The following STPG2 variants were observed in gnomAD, a reference collection of about 807,000 sequenced individuals.
The protein encoded by STPG2 is sperm-tail PG-rich repeat-containing protein 2.
A neutral mutation model predicts 54.2 loss-of-function variants in STPG2; 56 were observed. That is an observed-to-expected ratio of 1.03 (90% confidence interval 0.83 to 1.29). The LOEUF (loss-of-function observed/expected upper bound fraction) is 1.29, where lower values mean the gene tolerates loss of function less well. STPG2 is among the 50% of genes most tolerant of loss of function. The pLI is 0.00. For synonymous variants in STPG2, 200 were observed against 181.8 expected, an observed-to-expected ratio of 1.10 and a Z score of -0.81; for missense variants, 596 against 544.9, an observed-to-expected ratio of 1.09 and a Z score of -0.93.
At chr4:97,689,300 TA>T (rs2148986802) in intron 10 of STPG2, among the ~76,000 whole-genome samples, 1 of 152,254 alleles carries the variant, frequency 6.6e-6, no homozygotes, top group South Asian at 2.1e-4. Context: ...ATAAACACAA[TA>T]AATATTTTGA....
chr4:97,859,494 C>T (rs1460040979), intron 8 of STPG2, among the ~76,000 whole-genome samples: 1 of 142,340 alleles, frequency 7.0e-6, no homozygotes, highest in Non-Finnish European at 1.5e-5. Flanking sequence ...GATGGAGTCT[C>T]ACTCTGTCGC....
chr4:97,815,624 A>C (rs1727884496), intron 9 of STPG2, among the ~76,000 whole-genome samples: 1 of 152,170 alleles, frequency 6.6e-6, no homozygotes, highest in South Asian at 2.1e-4. Flanking sequence ...AATACCATTT[A>C]AGTAACAAGA....
chr4:97,550,129 T>C (rs1007587409), intron 4 of STPG2, among the ~76,000 whole-genome samples: 1 of 152,170 alleles, frequency 6.6e-6, no homozygotes, highest in Non-Finnish European at 1.5e-5. Context: ...AAAAATACTT[T>C]TATCTTGCTT....
At chr4:97,536,907 AG>A (rs1189415813) in intron 4 of STPG2, among the ~76,000 whole-genome samples, 1 of 152,206 alleles carries the variant, frequency 6.6e-6, no homozygotes, top group Non-Finnish European at 1.5e-5. Context: ...TTCTCTTCTG[AG>A]GACATTAGCT....
At chr4:98,021,672 C>G (rs1008210376) in intron 5 of STPG2, among the ~76,000 whole-genome samples, 2 of 150,464 alleles carry the variant, frequency 1.3e-5, no homozygotes, top group African/African-American at 2.4e-5. Context: ...GTAGGTCACT[C>G]AGGACTTGCT....
intron 5 of STPG2, among the ~76,000 whole-genome samples, chr4:98,059,924 G>A (rs1039694680): frequency 2.6e-5 from 4 of 151,902 alleles, no homozygotes; most frequent in Admixed American, 2.0e-4. Context: ...AAAATAATAA[G>A]AGCCATCTAT....
chr4:97,965,314 G>A (rs1020450636), intron 7 of STPG2, among the ~76,000 whole-genome samples: 1 of 152,194 alleles, frequency 6.6e-6, no homozygotes. Context: ...GCTGAGGCTT[G>A]AGTAGGTAAA....
intron 8 of STPG2, among the ~76,000 whole-genome samples, chr4:97,923,158 T>C (rs1270153127): frequency 2.0e-5 from 3 of 152,240 alleles, no homozygotes; most frequent in Non-Finnish European, 4.4e-5. Context: ...TGGCCATGCT[T>C]GAGGAGCCCT....
intron 4 of STPG2, among the ~76,000 whole-genome samples, chr4:97,451,489 G>C (rs1729362520): frequency 6.6e-6 from 1 of 152,052 alleles, no homozygotes; most frequent in African/African-American, 2.4e-5. Flanking sequence ...ATAGGAAATA[G>C]AGATCTTTTT....
intron 1 of STPG2, among the ~76,000 whole-genome samples, chr4:98,142,238 C>A (rs1740316173): frequency 6.6e-6 from 1 of 152,156 alleles, no homozygotes; most frequent in Non-Finnish European, 1.5e-5. Flanking sequence ...CTTCCCTTAT[C>A]TGATCAGTTA....
At chr4:97,726,010 T>G (rs1724612724) in intron 9 of STPG2, among the ~76,000 whole-genome samples, 1 of 151,820 alleles carries the variant, frequency 6.6e-6, no homozygotes, top group Non-Finnish European at 1.5e-5. Context: ...GAAAAAAAAG[T>G]AAGATCAAAA....
intron 10 of STPG2, among the ~76,000 whole-genome samples, chr4:97,695,195 C>T (rs1240193712): frequency 6.6e-6 from 1 of 151,570 alleles, no homozygotes; most frequent in Non-Finnish European, 1.5e-5. Context: ...TTAATATCTG[C>T]AAGTCAATAT....
Position 97,577,721 on chromosome 4 carries a change from A to T in STPG2, c.1321-18604T>A, listed in dbSNP as rs558590405. ...TAACAAACCTGCACATGTATTCCTG[A>T]ATCTAAAACAAACATATAAAAATAA... is the stretch of plus-strand genomic sequence containing the variant. On this transcript the variant is annotated intron_variant, in intron 10 of 10. Transcript: ENST00000295268. Among the ~76,000 whole-genome samples the T allele has an allele frequency of 2.6e-5, 4 of 152,288 alleles. No homozygotes were observed. In the East Asian group the frequency reaches 7.7e-4, roughly 29 times the overall value.
chr4:97,896,853 C>A (rs1189151035), intron 8 of STPG2, among the ~76,000 whole-genome samples: 3 of 151,684 alleles, frequency 2.0e-5, no homozygotes, highest in Non-Finnish European at 4.4e-5. Context: ...TTAACAGTTG[C>A]TACTATTAGT....
At chr4:97,680,684 G>T (rs1196893945) in intron 10 of STPG2, among the ~76,000 whole-genome samples, 1 of 152,002 alleles carries the variant, frequency 6.6e-6, no homozygotes, top group African/African-American at 2.4e-5. Flanking sequence ...CATTTTAAAG[G>T]TGAGGAATCT....
At chr4:97,543,206 T>C (rs961850151) in intron 4 of STPG2, among the ~76,000 whole-genome samples, 10 of 151,322 alleles carry the variant, frequency 6.6e-5, no homozygotes, top group African/African-American at 2.4e-4. Flanking sequence ...TTATACCCAC[T>C]TGAGACATAG....
At chr4:97,920,843 C>G (rs1732077603) in intron 8 of STPG2, among the ~76,000 whole-genome samples, 1 of 152,114 alleles carries the variant, frequency 6.6e-6, no homozygotes, top group Non-Finnish European at 1.5e-5. Flanking sequence ...TTTCATCTTT[C>G]CTCTTATCCC....
intron 7 of STPG2, among the ~76,000 whole-genome samples, chr4:97,967,810 A>G (rs1388579634): frequency 6.6e-6 from 1 of 152,200 alleles, no homozygotes; most frequent in African/African-American, 2.4e-5. Context: ...TTTGAAACCA[A>G]TGATAACAAA....
chr4:98,126,801 A>G (rs1739845063), intron 3 of STPG2, among the ~76,000 whole-genome samples: 1 of 152,192 alleles, frequency 6.6e-6, no homozygotes, highest in African/African-American at 2.4e-5. Flanking sequence ...AATAAAAATA[A>G]TAATATAAAT....
Sources: allele counts gnomAD v4.1 joint callset (sites outside exome capture counted in the v4.1 genomes callset), GRCh38; gene constraint gnomAD v4.1.1; transcripts MANE v1.5; gene names NCBI Gene and HGNC (gene_info 2026-07-23, HGNC 2026-07-21).